The following DMD variants were observed in gnomAD, a reference collection of about 807,000 sequenced individuals.
DMD encodes the protein mutant dystrophin.
DMD carries 63 observed loss-of-function variants against 330.1 expected under a neutral mutation model. The observed-to-expected ratio is 0.19, with a 90% CI of 0.16 to 0.24. The LOEUF (loss-of-function observed/expected upper bound fraction) is 0.24, where lower values mean the gene tolerates loss of function less well. Ranked by LOEUF, DMD falls within the 10% of genes least tolerant of loss-of-function variation. The pLI is 1.00. For synonymous variants in DMD, 1,223 were observed against 959.8 expected (o/e 1.27, Z -5.07); for missense variants, 3,344 against 2,684.1 (o/e 1.25, Z -5.43).
intron 76 of DMD, among the ~76,000 whole-genome samples, chrX:31,137,812 G>A (rs1431351262): frequency 2.7e-5 from 3 of 111,212 alleles, no homozygotes; most frequent in Non-Finnish European, 5.7e-5. Flanking sequence ...TCATCAGAAA[G>A]TGGAGTCTTG....
At chrX:31,728,296 A>T (rs1411714505) in intron 52 of DMD, among the ~76,000 whole-genome samples, 4 of 112,337 alleles carry the variant, frequency 3.6e-5, no homozygotes, top group Admixed American at 9.4e-5. Flanking sequence ...AAGTGCTGGG[A>T]TTACAGGCGT....
intron 1 of DMD, among the ~76,000 whole-genome samples, chrX:33,070,669 CTCTCTATATATATATA>C (rs1315241712): frequency 3.5e-4 from 16 of 45,660 alleles, no homozygotes; most frequent in African/African-American, 1.3e-3. Context: ...CTCTCTCTCT[CTCTCTATATATATATA>C]TATATATATA....
intron 18 of DMD, among the ~76,000 whole-genome samples, chrX:32,508,444 G>T (rs1368491596): frequency 1.8e-5 from 2 of 111,414 alleles, no homozygotes; most frequent in Non-Finnish European, 3.8e-5. Flanking sequence ...GTATAACAAA[G>T]AGATGTTAAA....
chrX:32,025,491 A>G (rs2095840143), intron 44 of DMD, among the ~76,000 whole-genome samples: 1 of 112,003 alleles, frequency 8.9e-6, no homozygotes, highest in Non-Finnish European at 1.9e-5. Context: ...GAACATTTTT[A>G]TCATCACACA....
chrX:31,703,115 GTCT>G (rs1417709452), intron 52 of DMD, among the ~76,000 whole-genome samples: 1 of 111,213 alleles, frequency 9.0e-6, no homozygotes, highest in Non-Finnish European at 1.9e-5. Context: ...CTCCAGAGAA[GTCT>G]TCTGAAGATG....
intron 53 of DMD, among the ~76,000 whole-genome samples, chrX:31,671,557 T>A (rs1004260896): frequency 2.7e-5 from 3 of 112,532 alleles, no homozygotes; most frequent in Non-Finnish European, 1.9e-5. Context: ...CTTTCTCTTC[T>A]ATTTTTTGGA....
intron 1 of DMD, among the ~76,000 whole-genome samples, chrX:33,092,608 T>A (rs778535752): frequency 2.5e-4 from 28 of 111,356 alleles, no homozygotes; most frequent in Non-Finnish European, 3.4e-4. Flanking sequence ...TTTATCTTCT[T>A]AGCCAACACC....
chrX:31,588,417 G>A (rs1299055575), intron 55 of DMD, among the ~76,000 whole-genome samples: 1 of 110,995 alleles, frequency 9.0e-6, no homozygotes, highest in Non-Finnish European at 1.9e-5. Flanking sequence ...CTCACCCTAG[G>A]GCTTGGTACC....
rs1490203989 is a variant in DMD, at chrX:33,124,889, TG to T, written c.31+86392del. Among the ~76,000 whole-genome samples the T allele has an allele frequency of 2.8e-5, 3 of 108,212 alleles. No individual in the cohort carries two copies. In the South Asian group the frequency reaches 1.2e-3, roughly 45 times the overall value. 94.0% of individuals were successfully genotyped at this position (108,212 alleles called of 115,157 possible). A position where few individuals can be genotyped will look rare whatever the true frequency, so the allele number is the denominator to read the frequency against. ...AAAATACAAAATTAGCTTGGTGTGG[TG>T]GTGCATGCCTGTAATCCCAGCTACT... On this transcript the variant is annotated intron_variant, in intron 1 of 78. Transcript: ENST00000357033.
intron 2 of DMD, among the ~76,000 whole-genome samples, chrX:32,982,775 A>C (rs2092740164): frequency 1.8e-5 from 2 of 111,872 alleles, no homozygotes; most frequent in Non-Finnish European, 3.8e-5. Flanking sequence ...TCCACATCTA[A>C]GAGGATTCCC....
chrX:32,554,867 AG>A, intron 16 of DMD, among the ~76,000 whole-genome samples: 1 of 73,188 alleles, frequency 1.4e-5, no homozygotes, highest in Admixed American at 1.6e-4. Flanking sequence ...AGAGAGAGAG[AG>A]AGAAGGAAAG....
At chrX:31,986,238 A>G (rs1226125378) in intron 44 of DMD, among the ~76,000 whole-genome samples, 1 of 111,821 alleles carries the variant, frequency 8.9e-6, no homozygotes, top group Non-Finnish European at 1.9e-5. Context: ...TGACATATAA[A>G]ATTTAAAATA....
At chrX:32,577,796 C>T (rs1033999420) in intron 13 of DMD, among the ~76,000 whole-genome samples, 9 of 112,507 alleles carry the variant, frequency 8.0e-5, no homozygotes, top group African/African-American at 2.9e-4. Context: ...ATCTAAGTCA[C>T]TTCTGTAGCA....
intron 9 of DMD, among the ~76,000 whole-genome samples, chrX:32,648,812 T>C (rs915596044): frequency 2.3e-4 from 26 of 111,980 alleles, no homozygotes; most frequent in Non-Finnish European, 4.3e-4. Flanking sequence ...AATATGTTTT[T>C]ATCATCACAG....
chrX:32,656,031 C>T (rs1195094435), intron 9 of DMD, among the ~76,000 whole-genome samples: 2 of 111,502 alleles, frequency 1.8e-5, no homozygotes, highest in Non-Finnish European at 3.8e-5. Context: ...AAAGATTGCT[C>T]ATCCTCCAAT....
At chrX:32,599,522 A>G (rs1333537451) in intron 12 of DMD, among the ~76,000 whole-genome samples, 2 of 112,297 alleles carry the variant, frequency 1.8e-5, no homozygotes, top group East Asian at 5.6e-4. Flanking sequence ...AATTTGTCAT[A>G]GATGAATTTA....
chrX:33,040,038 T>C (rs1296506049), intron 1 of DMD, among the ~76,000 whole-genome samples: 2 of 110,802 alleles, frequency 1.8e-5, no homozygotes, highest in Non-Finnish European at 3.8e-5. Context: ...AGAAAATAGC[T>C]CCAATTGTAA....
At chrX:31,507,508 G>C (rs1041735437) in intron 55 of DMD, 55 bp from the exon 56 acceptor site, 2 of 1,088,151 alleles carry the variant, frequency 1.8e-6, no homozygotes, top group African/African-American at 3.7e-5. Flanking sequence ...AAAGAAACAA[G>C]CGATGAATGT....
chrX:32,141,918 G>A (rs1266004515), intron 44 of DMD, among the ~76,000 whole-genome samples: 1 of 111,679 alleles, frequency 9.0e-6, no homozygotes, highest in Non-Finnish European at 1.9e-5. Context: ...TCGTTGATAC[G>A]TTCATTCTTT....
Sources: gnomAD v4.1 joint callset for allele counts (sites outside exome capture counted in the v4.1 genomes callset) on GRCh38, gnomAD v4.1.1 for gene constraint, MANE v1.5 for transcripts, NCBI Gene and HGNC (gene_info 2026-07-23, HGNC 2026-07-21) for gene names.